ELP3: variants seen among roughly 807,000 people sequenced by gnomAD.
The protein encoded by ELP3 is elongator acetyltransferase complex subunit 3, also known as elongator complex protein 3.
A neutral mutation model predicts 74.9 loss-of-function variants in ELP3; 56 were observed. The observed-to-expected ratio is 0.75, with a 90% CI of 0.60 to 0.93. The LOEUF (loss-of-function observed/expected upper bound fraction) is 0.93. ELP3 is among the 40% of genes least tolerant of loss of function. The probability of loss-of-function intolerance (pLI) is 0.00; values close to 1 mark genes in which losing one functional copy is unlikely to be tolerated. For synonymous variants in ELP3, 222 were observed against 239.8 expected (o/e 0.93, Z 0.68); for missense variants, 573 against 686.5 (o/e 0.83, Z 1.85).
chr8:28,163,787 T>G (rs1814199985), intron 14 of ELP3, among the ~76,000 whole-genome samples: 1 of 152,202 alleles, frequency 6.6e-6, no homozygotes, highest in Non-Finnish European at 1.5e-5. Context: ...GTCAGAGCAC[T>G]GTTAGCGTTC....
intron 3 of ELP3, among the ~76,000 whole-genome samples, chr8:28,102,050 G>T (rs183705000): frequency 3.3e-5 from 5 of 152,210 alleles, no homozygotes; most frequent in African/African-American, 1.2e-4. Flanking sequence ...CTACCTTATT[G>T]TGCTTACCTC....
At chr8:28,095,353 C>A (rs1811212091) in intron 1 of ELP3, among the ~76,000 whole-genome samples, 1 of 152,176 alleles carries the variant, frequency 6.6e-6, no homozygotes, top group Admixed American at 6.5e-5. Context: ...TTACACAGAA[C>A]CTCAATATAT....
At chr8:28,187,231 G>A (rs1376671172) in intron 14 of ELP3, among the ~76,000 whole-genome samples, 1 of 152,110 alleles carries the variant, frequency 6.6e-6, no homozygotes, top group Non-Finnish European at 1.5e-5. Context: ...CTGTGACTCA[G>A]CCCGAGCCAC....
intron 10 of ELP3, among the ~76,000 whole-genome samples, chr8:28,143,413 A>G (rs1585702541): frequency 6.6e-6 from 1 of 152,240 alleles, no homozygotes; most frequent in South Asian, 2.1e-4. Flanking sequence ...CTACTAAACC[A>G]CTTTCAATAT....
At chr8:28,127,099 C>T (rs1172522203) in intron 7 of ELP3, among the ~76,000 whole-genome samples, 1 of 152,008 alleles carries the variant, frequency 6.6e-6, no homozygotes, top group Non-Finnish European at 1.5e-5. Flanking sequence ...TGAGGAAAAA[C>T]ATTTTTGAAA....
intron 9 of ELP3, among the ~76,000 whole-genome samples, chr8:28,136,510 T>A (rs2130478198): frequency 6.6e-6 from 1 of 152,340 alleles, no homozygotes. Context: ...AGAATATTTA[T>A]TAAAGACCTG....
In ELP3 at chr8:28,189,803, G is replaced by A; in HGVS notation, c.*78G>A. The A allele has an allele frequency of 6.7e-7, 1 of 1,487,160 alleles. No individual in the cohort carries two copies. The highest frequency in any genetic ancestry group is 9.4e-7 in the Non-Finnish European group (1 of 1,068,092). 92.1% of individuals were successfully genotyped at this position (1,487,160 alleles called of 1,614,324 possible). A position where few individuals can be genotyped will look rare whatever the true frequency, so the allele number is the denominator to read the frequency against. ...ATCAGGATTTCTTAAATACTCAACA[G>A]AGAGGCTGAGCAGAGCAAATGGGGG... On this transcript the variant is annotated 3_prime_UTR_variant, in exon 15 of 15. Transcript: ENST00000256398.
chr8:28,091,942 G>C (rs28507020), upstream of ELP3, among the ~76,000 whole-genome samples: 6,736 of 152,252 alleles, frequency 0.044, 530 homozygotes, highest in African/African-American at 0.15. Flanking sequence ...TTTTACAGAA[G>C]ACAAAGTAAA....
chr8:28,162,323 A>G (rs1370499749), intron 14 of ELP3, among the ~76,000 whole-genome samples: 1 of 152,130 alleles, frequency 6.6e-6, no homozygotes, highest in Non-Finnish European at 1.5e-5. Flanking sequence ...TCTCTGTCAC[A>G]CTGGTCAGCA....
Position 28,113,059 on chromosome 8 carries a change from T to C in ELP3, c.503T>C (p.Ile168Thr). Residue 168 changes from isoleucine to threonine, a missense_variant, in exon 7 of 15, where the codon ATT (isoleucine) becomes ACT (threonine). Physicochemically the swap from Ile to Thr is moderately conservative, Grantham distance 89. Transcript: ENST00000256398. ...LGHSVDKVEF[I>T]VMGGTFMALP... ...CATAGTGTGGATAAAGTGGAGTTTATTGTGATGGGTGGAACGTTTATGGCC... is the reference window on the plus strand; with the variant it reads ...CATAGTGTGGATAAAGTGGAGTTTACTGTGATGGGTGGAACGTTTATGGCC... The C allele has an allele frequency of 6.2e-7, 1 of 1,613,942 alleles. No individual in the cohort carries two copies. The highest frequency in any genetic ancestry group is 1.3e-5 in the African/African-American group (1 of 75,056).
chr8:28,182,776 C>G (rs1262540991), intron 14 of ELP3, among the ~76,000 whole-genome samples: 1 of 152,206 alleles, frequency 6.6e-6, no homozygotes, highest in Non-Finnish European at 1.5e-5. Flanking sequence ...TTTGAGTTAG[C>G]AGATTAAGCC....
chr8:28,175,643 C>A (rs912599210), intron 14 of ELP3, among the ~76,000 whole-genome samples: 3 of 151,952 alleles, frequency 2.0e-5, no homozygotes, highest in African/African-American at 7.3e-5. Context: ...CTGTTGAATT[C>A]TTTTTTCCTG....
intron 1 of ELP3, 21 bp downstream of exon 1, chr8:28,093,254 G>C (rs201436628): frequency 1.2e-6 from 2 of 1,612,826 alleles, no homozygotes; most frequent in African/African-American, 2.7e-5. Context: ...GGAAGGAGAT[G>C]GGGGAAAGGG....
chr8:28,123,439 A>G (rs1812450545), intron 7 of ELP3, among the ~76,000 whole-genome samples: 1 of 152,106 alleles, frequency 6.6e-6, no homozygotes. Flanking sequence ...GGCCCAGCAT[A>G]TGTGGTCTCT....
chr8:28,139,073 C>T (rs1813113778), intron 10 of ELP3, among the ~76,000 whole-genome samples: 1 of 152,076 alleles, frequency 6.6e-6, no homozygotes, highest in East Asian at 1.9e-4. Flanking sequence ...GAAGGTCACT[C>T]ATTCACATGC....
At chr8:28,182,579 C>A (rs1306025371) in intron 14 of ELP3, among the ~76,000 whole-genome samples, 1 of 152,082 alleles carries the variant, frequency 6.6e-6, no homozygotes, top group African/African-American at 2.4e-5. Context: ...AACAAAAAAA[C>A]CACATCTGGG....
At position 28,190,009 on chromosome 8, in the gene ELP3, T is replaced by A; in HGVS notation, c.*284T>A. On this transcript the variant is annotated 3_prime_UTR_variant, in exon 15 of 15. Transcript: ENST00000256398. ...TTTTGCATGAGGCCTGCAGGTGGCC[T>A]ATTTTGACTCAGACGGTGAAAAAAG... 1 of 312,162 alleles carries A rather than the reference T, an allele frequency of 3.2e-6. No homozygotes were observed. The highest frequency in any genetic ancestry group is 6.0e-6 in the Non-Finnish European group (1 of 168,000). 19.3% of individuals were successfully genotyped at this position (312,162 alleles called of 1,614,324 possible).
intron 11 of ELP3, 79 bp downstream of exon 11, chr8:28,156,111 AC>A: frequency 8.8e-7 from 1 of 1,133,138 alleles, no homozygotes. Context: ...TGCCACTACC[AC>A]CCCTAAAACC....
At chr8:28,180,855 G>C (rs1814981602) in intron 14 of ELP3, among the ~76,000 whole-genome samples, 1 of 152,238 alleles carries the variant, frequency 6.6e-6, no homozygotes, top group Non-Finnish European at 1.5e-5. Context: ...GTCCCTGTCT[G>C]TGCCAGGCTC....
Sources: gnomAD v4.1 joint callset for allele counts (sites outside exome capture counted in the v4.1 genomes callset) on GRCh38, gnomAD v4.1.1 for gene constraint, MANE v1.5 for transcripts, NCBI Gene and HGNC (gene_info 2026-07-23, HGNC 2026-07-21) for gene names.